Variants in ESR1 observed in about 807,000 individuals in gnomAD.
The protein encoded by ESR1 is estrogen receptor.
Under a neutral mutation model 52.7 loss-of-function variants are expected in ESR1, and 12 were observed. The observed-to-expected ratio is 0.23, with a 90% CI of 0.15 to 0.37. The LOEUF is 0.37. Ranked by LOEUF, ESR1 falls within the 10% of genes least tolerant of loss-of-function variation. The pLI is 1.00. For missense variants in ESR1, 584 were observed against 779.7 expected, an observed-to-expected ratio of 0.75 and a Z score of 2.99; for synonymous variants, 305 against 316.8, an observed-to-expected ratio of 0.96 and a Z score of 0.39.
chr6:151,966,392 A>G (rs2038276820), intron 4 of ESR1, among the ~76,000 whole-genome samples: 1 of 152,070 alleles, frequency 6.6e-6, no homozygotes, highest in South Asian at 2.1e-4. Flanking sequence ...GTAGGTCCTC[A>G]ATAGGCTTTT....
Position 152,100,387 on chromosome 6 carries a change from T to C in ESR1, c.*1421T>C. The C allele has an allele frequency of 3.2e-6, 1 of 311,514 alleles. No homozygotes were observed. Among genetic ancestry groups the C allele is most frequent in the Non-Finnish European group, 5.9e-6 (1 of 169,988 alleles). The allele number at this position is 311,514 out of a possible 1,614,324, so 19.3% of individuals were successfully genotyped here. A position where few individuals can be genotyped will look rare whatever the true frequency, so the allele number is the denominator to read the frequency against. On this transcript the variant is annotated 3_prime_UTR_variant, in exon 8 of 8. Coordinates refer to ENST00000206249, the MANE Select transcript of ESR1 (RefSeq NM_000125.4). ...GATAATCCAAAATCAGGGTTTGGTT[T>C]GGGGAAGAAAATCCTCCCCCTTCCT...
At chr6:151,906,285 ACGT>A (rs1032175365) in intron 3 of ESR1, among the ~76,000 whole-genome samples, 3 of 152,096 alleles carry the variant, frequency 2.0e-5, no homozygotes, top group African/African-American at 7.2e-5. Flanking sequence ...AGGAAATTAA[ACGT>A]ATACATTTTG....
intron 4 of ESR1, among the ~76,000 whole-genome samples, chr6:151,958,158 A>G (rs1206476300): frequency 6.6e-6 from 1 of 152,268 alleles, no homozygotes; most frequent in Non-Finnish European, 1.5e-5. Context: ...GTGGGCAAAT[A>G]GCAGTCCATG....
At chr6:151,686,041 A>C (rs1778651511), upstream of ESR1, among the ~76,000 whole-genome samples, 1 of 146,200 alleles carries the variant, frequency 6.8e-6, no homozygotes, top group African/African-American at 2.7e-5. Flanking sequence ...GACATATGCC[A>C]TCACATCCAG....
chr6:151,803,666 G>A (rs1278223659), upstream of ESR1, among the ~76,000 whole-genome samples: 1 of 152,100 alleles, frequency 6.6e-6, no homozygotes, highest in East Asian at 1.9e-4. Flanking sequence ...AGGGCAGAGT[G>A]GTCCTTAGGA....
chr6:151,815,860 G>A (rs1367138754), intron 1 of ESR1, among the ~76,000 whole-genome samples: 2 of 152,174 alleles, frequency 1.3e-5, no homozygotes, highest in Non-Finnish European at 2.9e-5. Flanking sequence ...CTATAAACAA[G>A]TGTCCCTCTT....
intron 4 of ESR1, among the ~76,000 whole-genome samples, chr6:151,955,644 T>A (rs1264433516): frequency 6.6e-6 from 1 of 151,512 alleles, no homozygotes; most frequent in Non-Finnish European, 1.5e-5. Context: ...TGACAGCATC[T>A]GATAATAATA....
chr6:151,998,645 A>T (rs976772124), intron 4 of ESR1, among the ~76,000 whole-genome samples: 3 of 152,100 alleles, frequency 2.0e-5, no homozygotes, highest in African/African-American at 7.2e-5. Context: ...TATTAATCGT[A>T]CATGATCTTG....
chr6:151,779,045 C>T (rs1248394841), intron 2 of ESR1, among the ~76,000 whole-genome samples: 7 of 151,970 alleles, frequency 4.6e-5, no homozygotes, highest in Admixed American at 1.3e-4. Flanking sequence ...CTGTAGGTTG[C>T]CTGTTCACTC....
rs80111464 is a variant in ESR1 at position 151,950,242 on chromosome 6, A to G, written c.1096+5734A>G. Among the ~76,000 whole-genome samples, 38 of 152,270 alleles carry G rather than the reference A, an allele frequency of 2.5e-4. No individual in the cohort carries two copies. In the East Asian group the frequency reaches 6.4e-3, roughly 26 times the overall value. On this transcript the variant is annotated intron_variant, in intron 4 of 7. Transcript: ENST00000206249. The stretch of plus-strand genomic sequence containing the variant: ...GATGTGTCTTTATGAGCAGTGTGAA[A>G]ACAGACTAATACAGTGAGTCTGGGT...
At chr6:152,035,055 C>G (rs1218478127) in intron 5 of ESR1, among the ~76,000 whole-genome samples, 2 of 152,110 alleles carry the variant, frequency 1.3e-5, no homozygotes, top group Non-Finnish European at 2.9e-5. Context: ...AGATTACATG[C>G]CCTTCTTTTA....
In ESR1 at chr6:151,987,573, C is replaced by G. The variant is rs184585755; in HGVS notation, c.1097-24083C>G. ...TACGACAGTTGCTCCACCCATCCCC[C>G]CTGCAGGGAAGGAGTCCTACTCTGA... On this transcript the variant is annotated intron_variant, in intron 4 of 7. Transcript: ENST00000206249. 9.2e-5 allele frequency among the ~76,000 whole-genome samples: 14 copies of G among 151,868 alleles called. No individual in the cohort carries two copies. In the East Asian group the frequency reaches 2.5e-3, roughly 28 times the overall value.
chr6:152,020,650 C>T (rs1300507783), intron 5 of ESR1, among the ~76,000 whole-genome samples: 1 of 151,988 alleles, frequency 6.6e-6, no homozygotes, highest in Non-Finnish European at 1.5e-5. Context: ...GGGGTTTTGC[C>T]ACGTTGGCCA....
intron 1 of ESR1, among the ~76,000 whole-genome samples, chr6:151,690,914 C>G (rs776997814): frequency 6.6e-6 from 1 of 152,138 alleles, no homozygotes; most frequent in African/African-American, 2.4e-5. Context: ...GAGGGCAATC[C>G]GACTACCCTT....
chr6:152,039,370 A>G (rs1194629796), intron 5 of ESR1, among the ~76,000 whole-genome samples: 7 of 152,308 alleles, frequency 4.6e-5, no homozygotes, highest in African/African-American at 1.2e-4. Flanking sequence ...ATTATGGAGT[A>G]GTAGACTGAG....
chr6:151,748,250 C>T (rs889344871), intron 2 of ESR1, among the ~76,000 whole-genome samples: 3 of 152,078 alleles, frequency 2.0e-5, no homozygotes, highest in African/African-American at 7.2e-5. Flanking sequence ...CCCAGACAGC[C>T]CCCCAGAATT....
At chr6:151,955,898 AG>A (rs2036854444) in intron 4 of ESR1, among the ~76,000 whole-genome samples, 1 of 151,778 alleles carries the variant, frequency 6.6e-6, no homozygotes, top group African/African-American at 2.4e-5. Context: ...ACGTAGGCCC[AG>A]TGTCTGTTGC....
chr6:151,792,401 G>T (rs1242029478), intron 2 of ESR1, among the ~76,000 whole-genome samples: 4 of 151,848 alleles, frequency 2.6e-5, no homozygotes, highest in Non-Finnish European at 5.9e-5. Context: ...TCAATAATAA[G>T]TGAACATTAG....
chr6:152,105,902 C>T (rs1177707106), downstream of ESR1, among the ~76,000 whole-genome samples: 1 of 150,730 alleles, frequency 6.6e-6, no homozygotes, highest in African/African-American at 2.4e-5. Flanking sequence ...ATTCTCCTGC[C>T]TCAGCCTCCC....
Sources: gnomAD v4.1 joint callset for allele counts (sites outside exome capture counted in the v4.1 genomes callset) on GRCh38, gnomAD v4.1.1 for gene constraint, MANE v1.5 for transcripts, NCBI Gene and HGNC (gene_info 2026-07-23, HGNC 2026-07-21) for gene names.